NOP16: variants seen among roughly 807,000 people sequenced by gnomAD.
NOP16 encodes NOP16 nucleolar protein, also known as nucleolar protein 16.
Under a neutral mutation model 22.7 loss-of-function variants are expected in NOP16, and 14 were observed. The observed-to-expected ratio is 0.62, with a 90% CI of 0.41 to 0.97. NOP16 has a LOEUF of 0.97. NOP16 is among the 50% of genes least tolerant of loss of function. NOP16 has a pLI of 0.00. For synonymous variants in NOP16, 80 were observed against 83.6 expected, an observed-to-expected ratio of 0.96 and a Z score of 0.23; for missense variants, 198 against 235.9, an observed-to-expected ratio of 0.84 and a Z score of 1.05.
chr5:176,384,194 G>A lies in NOP16; in HGVS notation c.*37C>T, dbSNP rs1230114839. On this transcript the variant is annotated 3_prime_UTR_variant, in exon 5 of 5. Transcript: ENST00000614830. ...CTGGCTCCAGCTTCACTGGTCCGGG[G>A]GACGCCTCAGCCTGGGGCAGCTGTG... 6.2e-7 allele frequency: 1 copy of A among 1,613,954 alleles called. No individual in the cohort carries two copies. Among genetic ancestry groups the A allele is most frequent in the Admixed American group, 1.7e-5 (1 of 60,000 alleles).
At position 176,388,475 on chromosome 5, in the gene NOP16, A is replaced by T; in HGVS notation, c.65T>A (p.Leu22Gln). The T allele has an allele frequency of 6.2e-7, 1 of 1,614,234 alleles. No individual in the cohort carries two copies. Among genetic ancestry groups the T allele is most frequent in the Admixed American group, 1.7e-5 (1 of 60,028 alleles). ...TGCCTTCCGTCGAGCATTCCGGTTC[A>T]GACGCTTTCGGTTGACACTGTAACC... The part of the protein sequence containing the change: ...KFGYSVNRKR[L>Q]NRNARRKAAP... The change falls in exon 1 of 5, where the codon CTG (leucine) becomes CAG (glutamine). Residue 22 changes from leucine to glutamine, a missense_variant. Physicochemically the swap from Leu to Gln is moderately radical, Grantham distance 113 (BLOSUM62 -2). Coordinates refer to ENST00000614830, the MANE Select transcript of NOP16 (RefSeq NM_016391.8).
intron 4 of NOP16, 167 bp from the exon 5 acceptor site, chr5:176,384,541 C>A: frequency 3.0e-6 from 2 of 664,808 alleles, no homozygotes; most frequent in Non-Finnish European, 5.0e-6. Flanking sequence ...AATCCCAACA[C>A]TCTGGGAGGC....
rs952963060 is a variant in NOP16, at chr5:176,387,016, G to T, written c.217-107C>A. ...CTAACCCATAAGAATCCCTGCCCAC[G>T]GTTAGGTAGAAGTAGGTAACAATGA... On this transcript the variant is annotated intron_variant, in intron 2 of 4. Coordinates refer to ENST00000614830, the MANE Select transcript of NOP16 (RefSeq NM_016391.8). 10 of 937,370 alleles carry T rather than the reference G, an allele frequency of 1.1e-5. No homozygotes were observed. The African/African-American group carries it at 1.3e-4, about 12-fold the overall frequency. The allele number at this position is 937,370 out of a possible 1,614,324, so 58.1% of individuals were successfully genotyped here.
At chr5:176,387,040 G>A (rs1490224870) in intron 2 of NOP16, 131 bp from the exon 3 acceptor site, 2 of 721,766 alleles carry the variant, frequency 2.8e-6, no homozygotes, top group African/African-American at 1.8e-5. Context: ...AGGTAACAAT[G>A]AGAACTAATG....
At chr5:176,385,410 C>A (rs1581406149) in intron 3 of NOP16, 83 bp from the exon 4 acceptor site, 3 of 820,170 alleles carry the variant, frequency 3.7e-6, no homozygotes, top group East Asian at 5.0e-5. Context: ...CCCCTTCACC[C>A]ACTCCCAAGC....
Position 176,384,344 on chromosome 5 carries a change from G to A in NOP16, c.424C>T (p.Gln142Ter), listed in dbSNP as rs769866161. The change falls in exon 5 of 5, where the codon CAA becomes TAA. Residue 142 changes from glutamine to a stop codon, truncating the protein, a stop_gained. Coordinates refer to ENST00000614830, the MANE Select transcript of NOP16 (RefSeq NM_016391.8). LOFTEE classifies it high-confidence loss of function. ...AMARDEKNYY[Q>*]DTPKQIRSKI... is the part of the protein sequence containing the mutation. ...CTCCGAATCTGTTTTGGGGTATCTT[G>A]ATAGTAATTCTTCTCATCACGGGCC... is the stretch of plus-strand genomic sequence containing the variant. 2.5e-6 allele frequency: 4 copies of A among 1,614,146 alleles called. No homozygotes were observed. Among genetic ancestry groups the A allele is most frequent in the South Asian group, 1.1e-5 (1 of 91,080 alleles).
At position 176,388,567 on chromosome 5, in the gene NOP16, A is replaced by G; in HGVS notation, c.-28T>C. The stretch of plus-strand genomic sequence containing the variant: ...CGCTGACCACCGCACCAGCAGCTCA[A>G]ACACGCTGCCTCTGTCTCTCAGACC... On this transcript the variant is annotated 5_prime_UTR_variant, in exon 1 of 5. Transcript: ENST00000614830. The G allele has an allele frequency of 6.3e-7, 1 of 1,579,844 alleles. No homozygotes were observed. Among genetic ancestry groups the G allele is most frequent in the Non-Finnish European group, 8.7e-7 (1 of 1,151,470 alleles).
In NOP16 at chr5:176,384,122, C is replaced by T; in HGVS notation, c.*109G>A. The stretch of plus-strand genomic sequence containing the variant: ...TGTGTAACCTTCTGATTCCATGGGA[C>T]CTGGCCAGCTCCTCTGGAGCCACAC... On this transcript the variant is annotated 3_prime_UTR_variant, in exon 5 of 5. Coordinates refer to ENST00000614830, the MANE Select transcript of NOP16 (RefSeq NM_016391.8). 1 of 1,610,796 alleles carries T rather than the reference C, an allele frequency of 6.2e-7. No individual in the cohort carries two copies. The highest frequency in any genetic ancestry group is 8.5e-7 in the Non-Finnish European group (1 of 1,179,818).
At position 176,388,572 on chromosome 5, in the gene NOP16, G is replaced by A; in HGVS notation, c.-33C>T. 6.4e-7 allele frequency: 1 copy of A among 1,569,732 alleles called. No individual in the cohort carries two copies. The highest frequency in any genetic ancestry group is 8.7e-7 in the Non-Finnish European group (1 of 1,143,418). ...ACCACCGCACCAGCAGCTCAAACAC[G>A]CTGCCTCTGTCTCTCAGACCTCGTG... On this transcript the variant is annotated 5_prime_UTR_variant, in exon 1 of 5. Transcript: ENST00000614830.
At position 176,384,354 on chromosome 5, in the gene NOP16, C is replaced by A. The variant is rs1167787140; in HGVS notation, c.414G>T (p.Lys138Asn). Reference protein sequence around the residue: ...EDYKAMARDEKNYYQDTPKQI... With the variant: ...EDYKAMARDENNYYQDTPKQI... ...GTTTTGGGGTATCTTGATAGTAATT[C>A]TTCTCATCACGGGCCATGGCCTAAG... Residue 138 changes from lysine to asparagine, a missense_variant, in exon 5 of 5, where the codon AAG becomes AAT. Transcript: ENST00000614830. 4 of 1,613,742 alleles carry A rather than the reference C, an allele frequency of 2.5e-6. No individual in the cohort carries two copies. Among genetic ancestry groups the A allele is most frequent in the South Asian group, 2.2e-5 (2 of 91,054 alleles).
intron 3 of NOP16, chr5:176,386,155 G>GTA: frequency 6.4e-6 from 1 of 155,974 alleles, no homozygotes; most frequent in East Asian, 1.9e-4. Flanking sequence ...GGTTAGGATG[G>GTA]TAACTTTTAT....
At position 176,388,259 on chromosome 5, in the gene NOP16, C is replaced by T. The variant is rs917097779; in HGVS notation, c.192G>A (p.Arg64=). The change falls in exon 2 of 5, where the codon AGG becomes AGA. Residue 64 remains arginine (R), a synonymous_variant. Transcript: ENST00000614830. ...AEMGLAVDPN[R]AVPLRKRKVK... ...CCTTTCTCTTACGGAGGGGCACCGCCCTGTTGGGGTCCACAGCCAACCCCA... is the reference window on the plus strand; with the variant it reads ...CCTTTCTCTTACGGAGGGGCACCGCTCTGTTGGGGTCCACAGCCAACCCCA... The T allele has an allele frequency of 6.8e-6, 11 of 1,613,678 alleles. No individual in the cohort carries two copies. The highest frequency in any genetic ancestry group is 8.5e-6 in the Non-Finnish European group (10 of 1,179,712).
chr5:176,386,351 G>C, intron 3 of NOP16: 1 of 208,530 alleles, frequency 4.8e-6, no homozygotes, highest in Non-Finnish European at 9.9e-6. Flanking sequence ...TAGGGGAGCT[G>C]CTTAAACTCC....
chr5:176,387,467 A>T (rs1239057056), intron 2 of NOP16, among the ~76,000 whole-genome samples: 1 of 152,258 alleles, frequency 6.6e-6, no homozygotes, highest in Non-Finnish European at 1.5e-5. Flanking sequence ...AATTTGTTCC[A>T]TTGCCTTAGG....
At position 176,388,558 on chromosome 5, in the gene NOP16, A is replaced by C. The variant is rs752325489; in HGVS notation, c.-19T>G. On this transcript the variant is annotated 5_prime_UTR_variant, in exon 1 of 5. Transcript: ENST00000614830. Reference sequence around the variant, plus strand: ...TGGGCATCGCGCTGACCACCGCACCAGCAGCTCAAACACGCTGCCTCTGTC... The same window carrying C: ...TGGGCATCGCGCTGACCACCGCACCCGCAGCTCAAACACGCTGCCTCTGTC... The C allele has an allele frequency of 6.3e-6, 10 of 1,597,662 alleles. No individual in the cohort carries two copies. The South Asian group carries it at 1.1e-4, about 18-fold the overall frequency.
At chr5:176,387,886 CAAAGAA>C in intron 2 of NOP16, among the ~76,000 whole-genome samples, 1 of 152,166 alleles carries the variant, frequency 6.6e-6, no homozygotes, top group Middle Eastern at 3.4e-3. Context: ...GATTGAATAA[CAAAGAA>C]AAGGTGTAAG....
chr5:176,385,966 T>C (rs1241984242), intron 3 of NOP16: 1 of 152,562 alleles, frequency 6.6e-6, no homozygotes, highest in Non-Finnish European at 1.5e-5. Context: ...TATCCAGAGG[T>C]TAGGTCCTCA....
chr5:176,387,596 TA>T (rs1755977770), intron 2 of NOP16, among the ~76,000 whole-genome samples: 1 of 149,838 alleles, frequency 6.7e-6, no homozygotes, highest in South Asian at 2.1e-4. Flanking sequence ...ATACCCATTT[TA>T]TAGATAGGCA....
chr5:176,388,576 CCT>C lies in NOP16; in HGVS notation c.-39_-38del, dbSNP rs753343413. 2.6e-6 allele frequency: 4 copies of C among 1,564,112 alleles called. No individual in the cohort carries two copies. The highest frequency in any genetic ancestry group is 8.8e-7 in the Non-Finnish European group (1 of 1,138,954). On this transcript the variant is annotated 5_prime_UTR_variant, in exon 1 of 5. Transcript: ENST00000614830. The stretch of plus-strand genomic sequence containing the variant: ...CCGCACCAGCAGCTCAAACACGCTG[CCT>C]CTGTCTCTCAGACCTCGTGTAACAA...
Sources: allele counts gnomAD v4.1 joint callset (sites outside exome capture counted in the v4.1 genomes callset), GRCh38; gene constraint gnomAD v4.1.1; transcripts MANE v1.5; gene names NCBI Gene and HGNC (gene_info 2026-07-23, HGNC 2026-07-21).